Variants in LMO7 observed in about 807,000 individuals in gnomAD.
The protein encoded by LMO7 is LIM domain only protein 7.
In LMO7, 120 loss-of-function variants were observed where a neutral mutation model predicts 206.5. That is an observed-to-expected ratio of 0.58 (90% confidence interval 0.50 to 0.68). The LOEUF is 0.68. LMO7 is among the 30% of genes least tolerant of loss of function. The pLI is 0.00. For missense variants in LMO7, 1,959 were observed against 1,957.9 expected, an observed-to-expected ratio of 1.00 and a Z score of -0.01; for synonymous variants, 706 against 681.5, an observed-to-expected ratio of 1.04 and a Z score of -0.56.
rs139933719 is a variant in LMO7, at chr13:75,811,431, C to A, written c.1946+2248C>A. 4.4e-3 allele frequency among the ~76,000 whole-genome samples: 666 copies of A among 152,232 alleles called. 4 individuals carry two copies. Among genetic ancestry groups the A allele is most frequent in the African/African-American group, 0.015 (636 of 41,554 alleles). The stretch of plus-strand genomic sequence containing the variant: ...TTAAGTGTAGGCTTTTAATCTAGAA[C>A]TTGTTTCATATTTATGCTGGGTGAT... On this transcript the variant is annotated intron_variant, in intron 11 of 30. Coordinates refer to ENST00000377534, the MANE Select transcript of LMO7 (RefSeq NM_001306080.2).
At chr13:75,826,540 C>A (rs143065476) in intron 15 of LMO7, among the ~76,000 whole-genome samples, 2 of 152,122 alleles carry the variant, frequency 1.3e-5, no homozygotes, top group African/African-American at 2.4e-5. Context: ...GAGTTCGTGG[C>A]GCTCAGGGAA....
intron 11 of LMO7, among the ~76,000 whole-genome samples, chr13:75,814,411 G>A (rs990665022): frequency 6.6e-6 from 1 of 152,286 alleles, no homozygotes; most frequent in Non-Finnish European, 1.5e-5. Context: ...CACATGCACT[G>A]TAACAGACAT....
At chr13:75,626,577 T>TATA (rs71127564) in intron 2 of LMO7, among the ~76,000 whole-genome samples, 4,738 of 74,150 alleles carry the variant, frequency 0.064, 832 homozygotes, top group African/African-American at 0.086. Context: ...AACATATATA[T>TATA]TATATATATA....
intron 3 of LMO7, among the ~76,000 whole-genome samples, chr13:75,734,288 G>A (rs1196508565): frequency 2.0e-5 from 3 of 152,192 alleles, no homozygotes; most frequent in African/African-American, 7.2e-5. Flanking sequence ...GGCGTTGTCT[G>A]TGGAAATAAT....
At chr13:75,660,394 A>C (rs533654616) in intron 1 of LMO7, among the ~76,000 whole-genome samples, 1 of 152,384 alleles carries the variant, frequency 6.6e-6, no homozygotes, top group Admixed American at 6.5e-5. Flanking sequence ...TGATCATTTC[A>C]AAGAACCAAT....
intron 3 of LMO7, among the ~76,000 whole-genome samples, chr13:75,737,458 A>T (rs1164995212): frequency 6.6e-6 from 1 of 150,906 alleles, no homozygotes; most frequent in African/African-American, 2.4e-5. Flanking sequence ...CCTTTTTTAA[A>T]AAAAAAAAAA....
chr13:75,778,345 G>A (rs908838142), intron 4 of LMO7, among the ~76,000 whole-genome samples: 3 of 151,922 alleles, frequency 2.0e-5, no homozygotes, highest in African/African-American at 7.3e-5. Flanking sequence ...CCATTCTCTC[G>A]CCTCAGCCTC....
At chr13:75,712,919 CA>C (rs1461674052) in intron 1 of LMO7, among the ~76,000 whole-genome samples, 27 of 150,046 alleles carry the variant, frequency 1.8e-4, no homozygotes, top group African/African-American at 6.6e-4. Flanking sequence ...GTGTATCATC[CA>C]ATAAAATGAT....
chr13:75,855,003 A>G, intron 28 of LMO7: 1 of 385,906 alleles, frequency 2.6e-6, no homozygotes, highest in Non-Finnish European at 4.8e-6. Context: ...CAGAAACTGC[A>G]GGATGGACTA....
In LMO7 at chr13:75,849,157, G is replaced by A. The variant is rs1310914584; in HGVS notation, c.4229G>A (p.Gly1410Glu). Residue 1410 changes from glycine (G) to glutamate (E), a missense_variant, in exon 27 of 31, where the codon GGA (glycine) becomes GAA (glutamate). Transcript: ENST00000377534. ...TCCAAGAAAGAACAAGTACCATCAG[G>A]AGCAGAATTGGAGAGGCAACAAATC... ...RRSKKEQVPS[G>E]AELERQQILQ... 2.5e-6 allele frequency: 4 copies of A among 1,613,766 alleles called. No individual in the cohort carries two copies. The South Asian group carries it at 4.4e-5, about 18-fold the overall frequency.
intron 1 of LMO7, among the ~76,000 whole-genome samples, chr13:75,702,465 C>A (rs528818525): frequency 6.6e-6 from 1 of 152,158 alleles, no homozygotes. Flanking sequence ...TGGAAGACTG[C>A]GAGTTGGCTT....
chr13:75,777,945 A>T (rs2050761020), intron 4 of LMO7, among the ~76,000 whole-genome samples: 1 of 152,088 alleles, frequency 6.6e-6, no homozygotes, highest in South Asian at 2.1e-4. Flanking sequence ...GTGCCTGGCC[A>T]CTTCTGATTT....
chr13:75,805,225 G>A (rs1328893819), intron 8 of LMO7: 1 of 1,190,894 alleles, frequency 8.4e-7, no homozygotes, highest in Admixed American at 3.6e-5. Context: ...ACCCCAAATT[G>A]TTTGTTATGT....
At chr13:75,811,872 A>G (rs1339237847) in intron 11 of LMO7, among the ~76,000 whole-genome samples, 1 of 152,210 alleles carries the variant, frequency 6.6e-6, no homozygotes, top group African/African-American at 2.4e-5. Flanking sequence ...ATCTGTTGCC[A>G]GTATTAATAG....
At chr13:75,709,975 A>G (rs1309073361) in intron 1 of LMO7, among the ~76,000 whole-genome samples, 3 of 152,152 alleles carry the variant, frequency 2.0e-5, no homozygotes, top group African/African-American at 4.8e-5. Flanking sequence ...TAATTTTTGT[A>G]TAAGGTGTAA....
intron 1 of LMO7, among the ~76,000 whole-genome samples, chr13:75,662,951 G>A (rs2038741931): frequency 6.6e-6 from 1 of 152,158 alleles, no homozygotes; most frequent in African/African-American, 2.4e-5. Context: ...GTTAGGAATG[G>A]CAGATGAAAT....
chr13:75,838,451 TGTAAA>T, intron 20 of LMO7: 1 of 560,680 alleles, frequency 1.8e-6, no homozygotes, highest in Non-Finnish European at 2.6e-6. Flanking sequence ...TTTTTAACTT[TGTAAA>T]AAAAAAAAAA....
intron 4 of LMO7, among the ~76,000 whole-genome samples, chr13:75,784,026 G>A (rs769402334): frequency 3.9e-5 from 6 of 152,004 alleles, no homozygotes; most frequent in Non-Finnish European, 8.8e-5. Context: ...GGGAAATTTT[G>A]TACCCCCCTT....
At position 75,834,530 on chromosome 13, in the gene LMO7, A is replaced by G. The variant is rs2058959097; in HGVS notation, c.3226+143A>G. The G allele has an allele frequency of 8.9e-6, 5 of 564,762 alleles. No homozygotes were observed. The South Asian group carries it at 1.6e-4, about 18-fold the overall frequency. The allele number at this position is 564,762 out of a possible 1,614,324, so 35.0% of individuals were successfully genotyped here. A position where few individuals can be genotyped will look rare whatever the true frequency, so the allele number is the denominator to read the frequency against. ...GGTTTTTGTAGTTACGTCATGACAA[A>G]TCTTGAACCCTACCCCTTTGAATAC... On this transcript the variant is annotated intron_variant, in intron 17 of 30. Transcript: ENST00000377534.
Sources: allele counts gnomAD v4.1 joint callset (sites outside exome capture counted in the v4.1 genomes callset), GRCh38; gene constraint gnomAD v4.1.1; transcripts MANE v1.5; gene names NCBI Gene and HGNC (gene_info 2026-07-23, HGNC 2026-07-21).